Variants in PDZD2 observed in about 807,000 individuals in gnomAD.
PDZD2 encodes PDZ domain-containing protein 2.
Under a neutral mutation model 220.7 loss-of-function variants are expected in PDZD2, and 90 were observed. That is an observed-to-expected ratio of 0.41 (90% CI 0.34 to 0.49). The LOEUF (loss-of-function observed/expected upper bound fraction) is 0.49. Among genes scored for constraint, PDZD2 ranks in the 20% least tolerant of loss-of-function variants. The pLI is 0.28. For synonymous variants in PDZD2, 1,375 were observed against 1,450.5 expected (o/e 0.95, Z 1.18); for missense variants, 3,174 against 3,608.5 (o/e 0.88, Z 3.08).
At chr5:31,898,343 A>G (rs1378934160) in intron 2 of PDZD2, among the ~76,000 whole-genome samples, 3 of 152,248 alleles carry the variant, frequency 2.0e-5, no homozygotes, top group Non-Finnish European at 4.4e-5. Context: ...GAGCACTGGT[A>G]GATTAGGCTC....
chr5:31,691,527 C>CTGGCGCCACCTGCTTTCATTCTCTTATG (rs1747132254), intron 1 of PDZD2, among the ~76,000 whole-genome samples: 1 of 105,924 alleles, frequency 9.4e-6, no homozygotes, highest in Admixed American at 9.7e-5. Context: ...ATTCTCTTAT[C>CTGGCGCCACCTGCTTTCATTCTCTTATG]TGGCGCCACC....
At position 31,998,000 on chromosome 5, in the gene PDZD2, A is replaced by G. The variant is rs183199309; in HGVS notation, c.1122-2139A>G. 5.0e-3 allele frequency among the ~76,000 whole-genome samples: 758 copies of G among 152,002 alleles called. 8 individuals carry two copies. Among genetic ancestry groups the G allele is most frequent in the African/African-American group, 0.018 (726 of 41,468 alleles). On this transcript the variant is annotated intron_variant, in intron 4 of 24. Coordinates refer to ENST00000438447, the MANE Select transcript of PDZD2 (RefSeq NM_178140.4). ...TGGGACTACAGGCGCTTGCCACCAT[A>G]CCCGGCTAATTTTTGTATTTTTAGT... is the stretch of plus-strand genomic sequence containing the variant.
chr5:31,651,461 G>A (rs1477668948), intron 1 of PDZD2, among the ~76,000 whole-genome samples: 5 of 152,130 alleles, frequency 3.3e-5, no homozygotes, highest in African/African-American at 1.2e-4. Context: ...CTAACATGCA[G>A]GTGGGTAGTC....
At chr5:31,663,436 A>G (rs954569400) in intron 1 of PDZD2, among the ~76,000 whole-genome samples, 10 of 152,142 alleles carry the variant, frequency 6.6e-5, no homozygotes, top group African/African-American at 1.9e-4. Context: ...GTAATTATAG[A>G]ACTACTTTTA....
chr5:31,790,465 T>C (rs1753636982), intron 1 of PDZD2, among the ~76,000 whole-genome samples: 1 of 152,128 alleles, frequency 6.6e-6, no homozygotes, highest in South Asian at 2.1e-4. Context: ...AAGGACACCT[T>C]TTCTGGGGGC....
At chr5:31,686,547 A>T (rs1746879014) in intron 1 of PDZD2, among the ~76,000 whole-genome samples, 3 of 151,852 alleles carry the variant, frequency 2.0e-5, no homozygotes, top group Admixed American at 1.3e-4. Flanking sequence ...TTGTATTTTT[A>T]GTAGAGACAG....
intron 2 of PDZD2, among the ~76,000 whole-genome samples, chr5:31,860,973 CTCCAT>C (rs1208834452): frequency 5.9e-5 from 9 of 152,158 alleles, no homozygotes; most frequent in African/African-American, 2.2e-4. Flanking sequence ...GGTCACATAT[CTCCAT>C]TCCATGCCCC....
intron 19 of PDZD2, among the ~76,000 whole-genome samples, chr5:32,082,707 C>T (rs1158995844): frequency 1.3e-5 from 2 of 152,062 alleles, no homozygotes; most frequent in East Asian, 1.9e-4. Context: ...CAGTAAGATA[C>T]GTGTGTGTGT....
In PDZD2 at chr5:32,074,112, GC is replaced by G; in HGVS notation, c.3007del (p.Arg1003ValfsTer24). The G allele has an allele frequency of 6.2e-7, 1 of 1,614,230 alleles. No homozygotes were observed. The highest frequency in any genetic ancestry group is 8.5e-7 in the Non-Finnish European group (1 of 1,180,054). ...IRPLSEDDPR[R>X]VSISSSKGMD... ...GGCCTCTGTCAGAGGATGACCCGAGGCGTGTCTCAATTTCCTCTTCCAAGGG... is the reference window on the plus strand; with the variant it reads ...GGCCTCTGTCAGAGGATGACCCGAGGGTGTCTCAATTTCCTCTTCCAAGGG... On this transcript the variant is annotated frameshift_variant, in exon 18 of 25. Coordinates refer to ENST00000438447, the MANE Select transcript of PDZD2 (RefSeq NM_178140.4). LOFTEE classifies it high-confidence loss of function.
At position 31,852,280 on chromosome 5, in the gene PDZD2, ATTTAT is replaced by A. The variant is rs1161369475; in HGVS notation, c.476+52564_476+52568del. ...AACCATACATTTATTTTTATTATTT[ATTTAT>A]TTTATTTATTTTTGAGACTGAGCAT... On this transcript the variant is annotated intron_variant, in intron 2 of 24. Transcript: ENST00000438447. Among the ~76,000 whole-genome samples the A allele has an allele frequency of 4.6e-5, 7 of 151,954 alleles. No individual in the cohort carries two copies. In the South Asian group the frequency reaches 1.0e-3, roughly 23 times the overall value.
At chr5:32,040,252 G>A (rs147689934) in intron 7 of PDZD2, among the ~76,000 whole-genome samples, 2,998 of 143,662 alleles carry the variant, frequency 0.021, 100 homozygotes, top group African/African-American at 0.072. Flanking sequence ...CGGCTGCCCC[G>A]TCTGGGATGT....
chr5:31,985,545 T>G (rs1026731451), intron 3 of PDZD2, among the ~76,000 whole-genome samples: 2 of 151,808 alleles, frequency 1.3e-5, no homozygotes, highest in Non-Finnish European at 2.9e-5. Context: ...ATACAAAACT[T>G]AGGTGGGCAT....
At chr5:32,037,399 G>A (rs1581340940) in intron 7 of PDZD2, 57 bp downstream of exon 7, 3 of 978,236 alleles carry the variant, frequency 3.1e-6, no homozygotes, top group East Asian at 4.8e-5. Flanking sequence ...AGCCTCAGGA[G>A]CAGGGAGATG....
intron 2 of PDZD2, among the ~76,000 whole-genome samples, chr5:31,841,208 TAC>T (rs10584079): frequency 0.41 from 61,583 of 150,510 alleles, 12,707 homozygotes; most frequent in African/African-American, 0.5. Flanking sequence ...TGCACATGTG[TAC>T]ACACACACAC....
intron 1 of PDZD2, among the ~76,000 whole-genome samples, chr5:31,784,701 GTTCA>G (rs565664120): frequency 0.1 from 15,140 of 152,138 alleles, 828 homozygotes; most frequent in South Asian, 0.18. Context: ...GAGGTCAGGA[GTTCA>G]AGACCAGCCT....
chr5:31,889,946 C>CG (rs1290158913), intron 2 of PDZD2, among the ~76,000 whole-genome samples: 35 of 151,676 alleles, frequency 2.3e-4, no homozygotes, highest in Non-Finnish European at 4.0e-4. Context: ...TGCTTGAACC[C>CG]GGGGGGGCAG....
At position 32,053,793 on chromosome 5, in the gene PDZD2, G is replaced by A. The variant is rs780067900; in HGVS notation, c.1810G>A (p.Gly604Ser). ...GKGLGFSIAG[G>S]RDCIRGQMGI... Reference sequence around the variant, plus strand: ...GGGCCTTGGCTTTAGTATTGCTGGAGGTCGAGACTGCATTCGTGGACAGAT... The same window carrying A: ...GGGCCTTGGCTTTAGTATTGCTGGAAGTCGAGACTGCATTCGTGGACAGAT... Residue 604 changes from glycine (G) to serine (S), a missense_variant, in exon 10 of 25, where the codon GGT becomes AGT. By Grantham distance (56) the Gly-to-Ser change is moderately conservative. Coordinates refer to ENST00000438447, the MANE Select transcript of PDZD2 (RefSeq NM_178140.4). 6.2e-7 allele frequency: 1 copy of A among 1,611,954 alleles called. No homozygotes were observed. Among genetic ancestry groups the A allele is most frequent in the Non-Finnish European group, 8.5e-7 (1 of 1,178,014 alleles).
intron 2 of PDZD2, among the ~76,000 whole-genome samples, chr5:31,878,376 A>G (rs948995913): frequency 6.6e-6 from 1 of 151,948 alleles, no homozygotes; most frequent in Non-Finnish European, 1.5e-5. Flanking sequence ...ATGTGCCTTT[A>G]AAAGCACTAT....
chr5:32,003,192 C>T (rs1752441496), intron 5 of PDZD2, among the ~76,000 whole-genome samples: 1 of 106,598 alleles, frequency 9.4e-6, no homozygotes, highest in Non-Finnish European at 1.9e-5. Flanking sequence ...CACACACACA[C>T]TACACACACC....
Sources: allele counts gnomAD v4.1 joint callset (sites outside exome capture counted in the v4.1 genomes callset), GRCh38; gene constraint gnomAD v4.1.1; transcripts MANE v1.5; gene names NCBI Gene and HGNC (gene_info 2026-07-23, HGNC 2026-07-21).